GRIK2: variants seen among roughly 807,000 people sequenced by gnomAD.
GRIK2 encodes glutamate receptor ionotropic, kainate 2.
A neutral mutation model predicts 100.3 loss-of-function variants in GRIK2; 32 were observed. The ratio of observed to expected loss-of-function variants is 0.32; its 90% CI spans 0.24 to 0.43. The LOEUF is 0.43. Ranked by LOEUF, GRIK2 falls within the 20% of genes least tolerant of loss-of-function variation. The pLI, the probability that GRIK2 is intolerant of heterozygous loss-of-function variation, is 1.00. For synonymous variants in GRIK2, 417 were observed against 389.4 expected (o/e 1.07, Z -0.83); for missense variants, 843 against 1,114.9 (o/e 0.76, Z 3.47).
Position 102,001,526 on chromosome 6 carries a change from G to T in GRIK2, c.2086-33815G>T, listed in dbSNP as rs576588260. On this transcript the variant is annotated intron_variant, in intron 14 of 16. Coordinates refer to ENST00000369134, the MANE Select transcript of GRIK2 (RefSeq NM_021956.5). Reference sequence around the variant, plus strand: ...CCAGCTTCATCCATGTCCCTGCAAAGGACATGAACTCATTCTTTTTTATGA... The same window carrying T: ...CCAGCTTCATCCATGTCCCTGCAAATGACATGAACTCATTCTTTTTTATGA... Among the ~76,000 whole-genome samples, 3 of 151,904 alleles carry T rather than the reference G, an allele frequency of 2.0e-5. No homozygotes were observed. In the South Asian group the frequency reaches 6.2e-4, roughly 31 times the overall value.
chr6:101,936,115 A>G (rs1195273060), intron 14 of GRIK2, among the ~76,000 whole-genome samples: 1 of 151,880 alleles, frequency 6.6e-6, no homozygotes, highest in East Asian at 1.9e-4. Flanking sequence ...TAAAAGCTTG[A>G]TGTGGTTGAT....
intron 7 of GRIK2, among the ~76,000 whole-genome samples, chr6:101,698,071 T>C (rs9498672): frequency 0.74 from 113,107 of 152,048 alleles, 44,177 homozygotes; most frequent in South Asian, 0.9. Context: ...TACTTACTTT[T>C]AAATTTAAGA....
chr6:101,445,346 A>C (rs1242194229), intron 2 of GRIK2, among the ~76,000 whole-genome samples: 1 of 152,056 alleles, frequency 6.6e-6, no homozygotes, highest in Non-Finnish European at 1.5e-5. Flanking sequence ...TCATTACTTG[A>C]ACATATTCCA....
At chr6:101,746,255 G>GGT (rs1253844469) in intron 7 of GRIK2, among the ~76,000 whole-genome samples, 6 of 152,208 alleles carry the variant, frequency 3.9e-5, no homozygotes, top group African/African-American at 1.4e-4. Flanking sequence ...CATCTAACCA[G>GGT]GTAGTGTATA....
chr6:101,896,327 A>G (rs1787440789), intron 12 of GRIK2, among the ~76,000 whole-genome samples: 1 of 151,784 alleles, frequency 6.6e-6, no homozygotes, highest in Non-Finnish European at 1.5e-5. Flanking sequence ...CAGAGGAGAA[A>G]TCAAACATAT....
rs1031136207 is a variant in GRIK2 at position 101,974,464 on chromosome 6, A to G, written c.2085+45832A>G. Among the ~76,000 whole-genome samples the G allele has an allele frequency of 3.9e-5, 6 of 152,162 alleles. No individual in the cohort carries two copies. The South Asian group carries it at 1.0e-3, about 26-fold the overall frequency. Reference sequence around the variant, plus strand: ...ACTGCATTAGTCAAAGTTCTACAGAAAAACAGAACATACACACACATAAAG... The same window carrying G: ...ACTGCATTAGTCAAAGTTCTACAGAGAAACAGAACATACACACACATAAAG... On this transcript the variant is annotated intron_variant, in intron 14 of 16. Transcript: ENST00000369134.
In GRIK2 at chr6:102,069,295, AAATAATAATAATAAT is replaced by A. The variant is rs141426024; in HGVS notation, c.*814_*828del. On this transcript the variant is annotated 3_prime_UTR_variant, in exon 17 of 17. Transcript: ENST00000369134. Reference sequence around the variant, plus strand: ...ACCTTTTCTCTAACCCCCATATCCCAAATAATAATAATAATAATAATAATAATAATAATAATAATA... The same window carrying A: ...ACCTTTTCTCTAACCCCCATATCCCAAATAATAATAATAATAATAATAATA... The A allele has an allele frequency of 2.0e-4, 28 of 139,494 alleles. No homozygotes were observed. Among genetic ancestry groups the A allele is most frequent in the Admixed American group, 3.7e-4 (5 of 13,658 alleles). 8.6% of individuals were successfully genotyped at this position (139,494 alleles called of 1,614,324 possible).
chr6:101,929,484 A>T (rs1423153863), intron 14 of GRIK2, among the ~76,000 whole-genome samples: 3 of 141,728 alleles, frequency 2.1e-5, no homozygotes, highest in East Asian at 2.3e-4. Context: ...TTTTTTTTTA[A>T]AAAAATGATT....
chr6:101,440,029 C>G (rs1769955603), intron 2 of GRIK2, among the ~76,000 whole-genome samples: 1 of 151,968 alleles, frequency 6.6e-6, no homozygotes. Context: ...AGGTTATGAC[C>G]AAATTGTTAT....
At chr6:101,811,023 GCTTT>G (rs1367721221) in intron 9 of GRIK2, among the ~76,000 whole-genome samples, 8 of 152,112 alleles carry the variant, frequency 5.3e-5, no homozygotes, top group Middle Eastern at 3.4e-3. Context: ...TCTTTCTTAT[GCTTT>G]CTATTTCTCA....
chr6:101,452,234 A>G (rs936378307), intron 2 of GRIK2, among the ~76,000 whole-genome samples: 1 of 151,796 alleles, frequency 6.6e-6, no homozygotes, highest in African/African-American at 2.4e-5. Flanking sequence ...GATAATCAGC[A>G]TAGTATGGTT....
At chr6:101,813,345 A>T (rs1781449875) in intron 9 of GRIK2, among the ~76,000 whole-genome samples, 1 of 152,166 alleles carries the variant, frequency 6.6e-6, no homozygotes, top group African/African-American at 2.4e-5. Flanking sequence ...CTCTGATATA[A>T]TAGGTCTTCA....
chr6:101,755,924 G>A (rs1264077667), intron 7 of GRIK2, among the ~76,000 whole-genome samples: 1 of 152,110 alleles, frequency 6.6e-6, no homozygotes, highest in African/African-American at 2.4e-5. Context: ...TTTTCAATTA[G>A]TTGTTGAACG....
At position 101,765,747 on chromosome 6, in the gene GRIK2, A is replaced by G. The variant is rs188449560; in HGVS notation, c.952-33901A>G. 1.7e-3 allele frequency among the ~76,000 whole-genome samples: 263 copies of G among 152,240 alleles called. 2 individuals carry two copies. The highest frequency in any genetic ancestry group is 4.4e-3 in the Admixed American group (67 of 15,284). On this transcript the variant is annotated intron_variant, in intron 7 of 16. Coordinates refer to ENST00000369134, the MANE Select transcript of GRIK2 (RefSeq NM_021956.5). The stretch of plus-strand genomic sequence containing the variant: ...AGCGGAAATTAATTTTATAACTGGT[A>G]TTCTTGAAAGTCTGTATAAATGGAA...
intron 2 of GRIK2, among the ~76,000 whole-genome samples, chr6:101,536,153 G>T (rs1319529382): frequency 6.6e-6 from 1 of 151,596 alleles, no homozygotes; most frequent in Non-Finnish European, 1.5e-5. Flanking sequence ...GTATGTGTGT[G>T]AACTTGCTTT....
intron 11 of GRIK2, among the ~76,000 whole-genome samples, chr6:101,873,750 A>T (rs1227743613): frequency 6.6e-6 from 1 of 151,920 alleles, no homozygotes; most frequent in Non-Finnish European, 1.5e-5. Flanking sequence ...CATCCTCTCC[A>T]GCACCTGTTG....
intron 5 of GRIK2, among the ~76,000 whole-genome samples, chr6:101,677,686 C>A (rs79332371): frequency 0.055 from 8,384 of 152,162 alleles, 271 homozygotes; most frequent in East Asian, 0.13. Flanking sequence ...GCACACTGAG[C>A]TGACACCTTT....
chr6:101,796,833 C>T (rs1000854716), intron 7 of GRIK2, among the ~76,000 whole-genome samples: 4 of 152,112 alleles, frequency 2.6e-5, no homozygotes, highest in African/African-American at 9.7e-5. Context: ...ATGTGTGCCA[C>T]TGTGCCCAGC....
intron 10 of GRIK2, among the ~76,000 whole-genome samples, chr6:101,855,776 G>C (rs1582389480): frequency 6.6e-6 from 1 of 151,998 alleles, no homozygotes; most frequent in East Asian, 1.9e-4. Context: ...AATAAAAGCA[G>C]ATTTAGTTTT....
Sources: gnomAD v4.1 joint callset for allele counts (sites outside exome capture counted in the v4.1 genomes callset) on GRCh38, gnomAD v4.1.1 for gene constraint, MANE v1.5 for transcripts, NCBI Gene and HGNC (gene_info 2026-07-23, HGNC 2026-07-21) for gene names.